Variants in NOL6 observed in about 807,000 individuals in gnomAD.
The protein encoded by NOL6 is nucleolar protein 6, also known as nucleolar RNA-associated protein.
Under a neutral mutation model 131.7 loss-of-function variants are expected in NOL6, and 33 were observed. The ratio of observed to expected loss-of-function variants is 0.25; its 90% CI spans 0.19 to 0.33. The LOEUF (loss-of-function observed/expected upper bound fraction) is 0.33. Ranked by LOEUF, NOL6 falls within the 10% of genes least tolerant of loss-of-function variation. The pLI is 1.00. For synonymous variants in NOL6, 580 were observed against 605.7 expected (o/e 0.96, Z 0.62); for missense variants, 1,297 against 1,494.5 (o/e 0.87, Z 2.18).
rs1253605670 is a variant in NOL6 at position 33,463,078 on chromosome 9, A to T, written c.3246T>A (p.Ile1082=). The T allele has an allele frequency of 6.2e-7, 1 of 1,614,004 alleles. No homozygotes were observed. Among genetic ancestry groups the T allele is most frequent in the East Asian group, 2.2e-5 (1 of 44,884 alleles). Residue 1082 remains isoleucine (I), a synonymous_variant, in exon 25 of 26, where the codon ATT becomes ATA. Coordinates refer to ENST00000297990, the MANE Select transcript of NOL6 (RefSeq NM_022917.5). The stretch of plus-strand genomic sequence containing the variant: ...AGCTGGTGGGCTTCCAGAGGACACC[A>T]ATCACCTCTCCACCATGCTGGTCAT... ...FFYDQHGGEV[I]GVLWKPTSFQ... is the part of the protein sequence containing the mutation.
Position 33,464,882 on chromosome 9 carries a change from T to C in NOL6, c.2776A>G (p.Thr926Ala), listed in dbSNP as rs1416325886. The change falls in exon 21 of 26, where the codon ACT becomes GCT. Residue 926 changes from threonine to alanine, a missense_variant. Physicochemically the swap from Thr to Ala is moderately conservative, Grantham distance 58 (BLOSUM62 0). Transcript: ENST00000297990. Reference protein sequence around the residue: ...PLFVNLNNELTVEEQVEIRSG... With the variant: ...PLFVNLNNELAVEEQVEIRSG... ...TGACCCCTGTTCTACCACTTACCAG[T>C]GAGCTCATTATTGAGGTTGACAAAG... is the stretch of plus-strand genomic sequence containing the variant. 1 of 1,597,702 alleles carries C rather than the reference T, an allele frequency of 6.3e-7. No individual in the cohort carries two copies. Among genetic ancestry groups the C allele is most frequent in the East Asian group, 2.2e-5 (1 of 44,800 alleles).
In NOL6 at chr9:33,467,433, G is replaced by C. The variant is rs756471598; in HGVS notation, c.1686C>G (p.Thr562=). The change falls in exon 13 of 26, where the codon ACC becomes ACG. Residue 562 remains threonine, a synonymous_variant. Transcript: ENST00000297990. The surrounding 1 kb of genome is among the most constrained non-coding windows in gnomAD (Gnocchi z 4.4). ...CCTCTGGACCCAGCTCAAGGACGCT[G>C]GTCAGTCCCTCAGGCCGGAGAAGGA... is the stretch of plus-strand genomic sequence containing the variant. ...LGLLLRPEGL[T]SVLELGPEAD... is the part of the protein sequence containing the mutation. 1 of 1,614,182 alleles carries C rather than the reference G, an allele frequency of 6.2e-7. No homozygotes were observed. The highest frequency in any genetic ancestry group is 8.5e-7 in the Non-Finnish European group (1 of 1,180,018).
chr9:33,467,807 G>C lies in NOL6; in HGVS notation c.1486C>G (p.Gln496Glu), dbSNP rs1263921010. 2 of 1,610,460 alleles carry C rather than the reference G, an allele frequency of 1.2e-6. No individual in the cohort carries two copies. The highest frequency in any genetic ancestry group is 1.7e-6 in the Non-Finnish European group (2 of 1,178,532). ...GAGACATAGTCCCCACCATTGTCCTGCAGCTCTGGCCAGAGCTTCAGCCGG... is the reference window on the plus strand; with the variant it reads ...GAGACATAGTCCCCACCATTGTCCTCCAGCTCTGGCCAGAGCTTCAGCCGG... ...CHRLKLWPEL[Q>E]DNGGDYVSAA... The change falls in exon 12 of 26, where the codon CAG becomes GAG. Residue 496 changes from glutamine to glutamate, a missense_variant. Physicochemically the swap from Gln to Glu is conservative, Grantham distance 29. Transcript: ENST00000297990. The surrounding 1 kb of genome is among the most constrained non-coding windows in gnomAD (Gnocchi z 4.4).
Position 33,462,383 on chromosome 9 carries a change from A to C in NOL6, c.*281T>G. 1.6e-6 allele frequency: 1 copy of C among 632,972 alleles called. No homozygotes were observed. Among genetic ancestry groups the C allele is most frequent in the Non-Finnish European group, 2.9e-6 (1 of 350,140 alleles). 39.2% of individuals were successfully genotyped at this position (632,972 alleles called of 1,614,324 possible). ...GTCCAGGCCCAGGGCTAATAGGTGGATGGATCTCCTGGGTTCAGTTCCTTC... is the reference window on the plus strand; with the variant it reads ...GTCCAGGCCCAGGGCTAATAGGTGGCTGGATCTCCTGGGTTCAGTTCCTTC... On this transcript the variant is annotated 3_prime_UTR_variant, in exon 26 of 26. Transcript: ENST00000297990.
In NOL6 at chr9:33,468,771, T is replaced by C; in HGVS notation, c.1128A>G (p.Arg376=). The C allele has an allele frequency of 1.9e-6, 3 of 1,614,114 alleles. No homozygotes were observed. The highest frequency in any genetic ancestry group is 2.5e-6 in the Non-Finnish European group (3 of 1,180,020). Residue 376 remains arginine, a synonymous_variant, in exon 8 of 26, where the codon AGA becomes AGG. Transcript: ENST00000297990. ...HTTMSGYQVL[R]SVLQFLATTD... is the part of the protein sequence containing the mutation. ...CCTCACCCAGAAACTGCAAGACACT[T>C]CTCAGGACCTGGTAGCCACTCATGG...
rs1827269377 is a variant in NOL6 at position 33,467,150 on chromosome 9, A to C, written c.1838T>G (p.Leu613Arg). ...WEAASMSQKRLIPHQVVTHLL... is the reference protein window; with the variant it reads ...WEAASMSQKRRIPHQVVTHLL... ...GTGGGTGACCACCTGGTGGGGAATA[A>C]GGCGCTTCTGGGACATAGAGGCTGC... The change falls in exon 14 of 26, where the codon CTT becomes CGT. Residue 613 changes from leucine (L) to arginine (R), a missense_variant. Transcript: ENST00000297990. This position sits in a 1 kb window ranked among gnomAD's most constrained non-coding sequence, Gnocchi z 4.4. 6.2e-7 allele frequency: 1 copy of C among 1,614,184 alleles called. No individual in the cohort carries two copies. Among genetic ancestry groups the C allele is most frequent in the African/African-American group, 1.3e-5 (1 of 75,060 alleles).
At position 33,465,214 on chromosome 9, in the gene NOL6, G is replaced by C; in HGVS notation, c.2674C>G (p.Pro892Ala). 6.3e-7 allele frequency: 1 copy of C among 1,593,410 alleles called. No homozygotes were observed. The highest frequency in any genetic ancestry group is 8.6e-7 in the Non-Finnish European group (1 of 1,169,576). The change falls in exon 20 of 26, where the codon CCT (proline) becomes GCT (alanine). Residue 892 changes from proline to alanine, a missense_variant. Physicochemically the swap from Pro to Ala is conservative, Grantham distance 27. Coordinates refer to ENST00000297990, the MANE Select transcript of NOL6 (RefSeq NM_022917.5). ...AAAAGTGGAGGGAATCACCTCGGAG[G>C]GGTGAAGGGCTCAGGGTGCAGGAAA... ...ALFLHPEPFT[P>A]PSSPQVGFLR...
intron 22 of NOL6, 44 bp downstream of exon 22, chr9:33,463,992 CT>C: frequency 1.9e-6 from 3 of 1,612,700 alleles, no homozygotes; most frequent in Non-Finnish European, 2.5e-6. Flanking sequence ...CTGCTTTTTC[CT>C]TGGGAAGAAA....
At chr9:33,463,485 G>C (rs1827157334) in intron 23 of NOL6, 44 bp from the exon 24 acceptor site, 2 of 1,540,556 alleles carry the variant, frequency 1.3e-6, no homozygotes, top group Non-Finnish European at 1.8e-6. Flanking sequence ...CCCCTTGACT[G>C]AGGAACTGGA....
rs1827368201 is a variant in NOL6 at position 33,470,136 on chromosome 9, G to T, written c.434C>A (p.Pro145His). Reference protein sequence around the residue: ...AGVRVPLHQVPYAVKGCFRFL... With the variant: ...AGVRVPLHQVHYAVKGCFRFL... ...GCGGAAACAGCCCTTCACGGCATAG[G>T]GCACTTGGTGGAGGGGCACTCGAAC... Residue 145 changes from proline (P) to histidine (H), a missense_variant, in exon 4 of 26, where the codon CCC (proline) becomes CAC (histidine). Transcript: ENST00000297990. 1 of 1,609,090 alleles carries T rather than the reference G, an allele frequency of 6.2e-7. No homozygotes were observed. The highest frequency in any genetic ancestry group is 8.5e-7 in the Non-Finnish European group (1 of 1,176,512).
chr9:33,465,003 C>G, intron 20 of NOL6, 27 bp from the exon 21 acceptor site: 1 of 1,575,460 alleles, frequency 6.3e-7, no homozygotes, highest in South Asian at 1.1e-5. Context: ...AGCAAAGAAT[C>G]CAGGGCCCAG....
At position 33,467,876 on chromosome 9, in the gene NOL6, G is replaced by A. The variant is rs1440955145; in HGVS notation, c.1425-8C>T. 3 of 1,583,782 alleles carry A rather than the reference G, an allele frequency of 1.9e-6. No homozygotes were observed. The highest frequency in any genetic ancestry group is 4.5e-5 in the East Asian group (2 of 44,576). ...CGACTCAGTGGACGGAGACTGGAGG[G>A]GTACAAAGGGCCAAAGAGGGGTAAT... is the stretch of plus-strand genomic sequence containing the variant. On this transcript the variant is annotated splice_region_variant and splice_polypyrimidine_tract_variant and intron_variant, in intron 11 of 25. Coordinates refer to ENST00000297990, the MANE Select transcript of NOL6 (RefSeq NM_022917.5). The surrounding 1 kb of genome is among the most constrained non-coding windows in gnomAD (Gnocchi z 4.4).
At chr9:33,465,600 G>A (rs1457606664) in intron 19 of NOL6, 134 bp downstream of exon 19, 2 of 1,123,368 alleles carry the variant, frequency 1.8e-6, no homozygotes, top group South Asian at 3.3e-5. Context: ...CAGGATTCCA[G>A]AACCTGCCTG....
At chr9:33,471,534 T>C (rs1374784688) in intron 3 of NOL6, among the ~76,000 whole-genome samples, 1 of 152,212 alleles carries the variant, frequency 6.6e-6, no homozygotes, top group Non-Finnish European at 1.5e-5. Flanking sequence ...AATGCTTTTA[T>C]TCCCTTAGAT....
At chr9:33,472,636 C>T (rs1587228584) in intron 1 of NOL6, 1 of 577,030 alleles carries the variant, frequency 1.7e-6, no homozygotes, top group East Asian at 2.9e-5. Context: ...CTACCTGACA[C>T]CACAAGCATG....
In NOL6 at chr9:33,463,475, C is replaced by G. The variant is rs765332799; in HGVS notation, c.2995-34G>C. 5 of 1,566,542 alleles carry G rather than the reference C, an allele frequency of 3.2e-6. No homozygotes were observed. The African/African-American group carries it at 5.4e-5, about 17-fold the overall frequency. The stretch of plus-strand genomic sequence containing the variant: ...GGGGAGAAGGAGGGGTCAGCAGGAC[C>G]CCCTTGACTGAGGAACTGGACCACA... On this transcript the variant is annotated intron_variant, in intron 23 of 25. Coordinates refer to ENST00000297990, the MANE Select transcript of NOL6 (RefSeq NM_022917.5).
rs560920794 is a variant in NOL6, at chr9:33,468,635, T to G, written c.1148-69A>C. 151 of 1,607,018 alleles carry G rather than the reference T, an allele frequency of 9.4e-5. 1 individual carries two copies. In the Middle Eastern group the frequency reaches 1.5e-3, roughly 16 times the overall value. On this transcript the variant is annotated intron_variant, in intron 8 of 25. Coordinates refer to ENST00000297990, the MANE Select transcript of NOL6 (RefSeq NM_022917.5). Reference sequence around the variant, plus strand: ...GACCCAGCCCTAATGACACCCTCCCTCAGCCGATTCAGTTTGCTCATCTGT... The same window carrying G: ...GACCCAGCCCTAATGACACCCTCCCGCAGCCGATTCAGTTTGCTCATCTGT...
In NOL6 at chr9:33,463,386, C is replaced by T. The variant is rs767961563; in HGVS notation, c.3050G>A (p.Arg1017His). 10 of 1,613,898 alleles carry T rather than the reference C, an allele frequency of 6.2e-6. No individual in the cohort carries two copies. Among genetic ancestry groups the T allele is most frequent in the African/African-American group, 1.3e-5 (1 of 74,928 alleles). The change falls in exon 24 of 26, where the codon CGC becomes CAC. Residue 1017 changes from arginine (R) to histidine (H), a missense_variant. Coordinates refer to ENST00000297990, the MANE Select transcript of NOL6 (RefSeq NM_022917.5). The part of the protein sequence containing the change: ...IYDVLIRLSP[R>H]HIPRHRQAVD... The stretch of plus-strand genomic sequence containing the variant: ...AGCCTGGCGGTGCCGCGGGATATGG[C>T]GAGGAGACAGGCGAATCAGCACGTC...
intron 20 of NOL6, 27 bp from the exon 21 acceptor site, chr9:33,465,003 C>T (rs1450384643): frequency 6.3e-7 from 1 of 1,575,460 alleles, no homozygotes. Context: ...AGCAAAGAAT[C>T]CAGGGCCCAG....
Sources: allele counts gnomAD v4.1 joint callset (sites outside exome capture counted in the v4.1 genomes callset), GRCh38; gene constraint gnomAD v4.1.1; non-coding constraint Gnocchi (gnomAD v3.1); transcripts MANE v1.5; gene names NCBI Gene and HGNC (gene_info 2026-07-23, HGNC 2026-07-21).